Variants in RPRD1B observed in about 807,000 individuals in gnomAD.
The protein encoded by RPRD1B is regulation of nuclear pre-mRNA domain-containing protein 1B.
RPRD1B carries 11 observed loss-of-function variants against 41.5 expected under a neutral mutation model. That is an observed-to-expected ratio of 0.27 (90% confidence interval 0.17 to 0.44). RPRD1B has a LOEUF of 0.44. RPRD1B is among the 20% of genes least tolerant of loss of function. The pLI is 1.00. For missense variants in RPRD1B, 248 were observed against 389.9 expected (o/e 0.64, Z 3.06); for synonymous variants, 158 against 155.6 (o/e 1.02, Z -0.12).
At position 38,092,296 on chromosome 20, in the gene RPRD1B, G is replaced by A. The variant is rs1244439698; in HGVS notation, c.*2421G>A. On this transcript the variant is annotated 3_prime_UTR_variant, in exon 7 of 7. Transcript: ENST00000373433. ...TATTTAGAAGTATAGGCTGTCGTTG[G>A]CGGCAGCAGTATATTCTGAAATGTC... is the stretch of plus-strand genomic sequence containing the variant. The A allele has an allele frequency of 8.1e-6, 8 of 984,676 alleles. No homozygotes were observed. Among genetic ancestry groups the A allele is most frequent in the Non-Finnish European group, 9.6e-6 (8 of 829,078 alleles). The allele number at this position is 984,676 out of a possible 1,614,324, so 61.0% of individuals were successfully genotyped here.
intron 3 of RPRD1B, among the ~76,000 whole-genome samples, chr20:38,053,460 T>C (rs976532725): frequency 2.6e-5 from 4 of 152,218 alleles, no homozygotes; most frequent in South Asian, 4.1e-4. Context: ...ACTGCAGGGA[T>C]GTAGAGGAAT....
At position 38,048,429 on chromosome 20, in the gene RPRD1B, C is replaced by T. The variant is rs773734663; in HGVS notation, c.363C>T (p.Phe121=). 3 of 1,613,780 alleles carry T rather than the reference C, an allele frequency of 1.9e-6. No homozygotes were observed. The highest frequency in any genetic ancestry group is 2.5e-6 in the Non-Finnish European group (3 of 1,179,840). ...AACGAAGTGTGTATGGCGGCGAGTT[C>T]ATACAGCAGCTGAAGCTGTCTATGG... ...WQERSVYGGE[F]IQQLKLSMED... Residue 121 remains phenylalanine, a synonymous_variant, in exon 3 of 7, where the codon TTC becomes TTT. Coordinates refer to ENST00000373433, the MANE Select transcript of RPRD1B (RefSeq NM_021215.4).
At chr20:38,087,782 C>T (rs538451861) in intron 6 of RPRD1B, among the ~76,000 whole-genome samples, 2 of 152,228 alleles carry the variant, frequency 1.3e-5, no homozygotes, top group African/African-American at 4.8e-5. Flanking sequence ...ACTTCAGGAA[C>T]GTGAAAGGTG....
chr20:38,043,900 G>C (rs1198727079), intron 2 of RPRD1B, among the ~76,000 whole-genome samples: 5 of 152,198 alleles, frequency 3.3e-5, no homozygotes, highest in African/African-American at 1.2e-4. Flanking sequence ...AATATTCCAA[G>C]GAGTGATGCC....
chr20:38,049,307 G>C (rs1228910874), intron 3 of RPRD1B, among the ~76,000 whole-genome samples: 1 of 149,308 alleles, frequency 6.7e-6, no homozygotes, highest in Non-Finnish European at 1.5e-5. Context: ...ATCTGTGTGT[G>C]AATTTTGCAA....
rs1449683522 is a variant in RPRD1B at position 38,090,193 on chromosome 20, G to A, written c.*318G>A. On this transcript the variant is annotated 3_prime_UTR_variant, in exon 7 of 7. Transcript: ENST00000373433. ...ATACCTAAGAAGTTATGAAAATCAT[G>A]TGTACTTCTGGAAGCTTTCGAAAGA... The A allele has an allele frequency of 9.7e-7, 1 of 1,032,348 alleles. No homozygotes were observed. Among genetic ancestry groups the A allele is most frequent in the Non-Finnish European group, 1.2e-6 (1 of 860,348 alleles). 63.9% of individuals were successfully genotyped at this position (1,032,348 alleles called of 1,614,324 possible).
chr20:38,065,949 G>C (rs2122736632), intron 5 of RPRD1B, 132 bp from the exon 6 acceptor site: 1 of 814,526 alleles, frequency 1.2e-6, no homozygotes, highest in East Asian at 2.5e-5. Context: ...CTCATTGTTT[G>C]TCCACAGGTG....
At chr20:38,084,606 C>G (rs1271256028) in intron 6 of RPRD1B, among the ~76,000 whole-genome samples, 2 of 152,136 alleles carry the variant, frequency 1.3e-5, no homozygotes, top group Non-Finnish European at 2.9e-5. Flanking sequence ...GCTTACTTCT[C>G]TAACCAAAAA....
intron 6 of RPRD1B, among the ~76,000 whole-genome samples, chr20:38,082,720 T>C (rs1454949123): frequency 6.6e-6 from 1 of 152,108 alleles, no homozygotes; most frequent in Non-Finnish European, 1.5e-5. Flanking sequence ...GCCACAGCCA[T>C]CTCCCTCCAG....
chr20:38,076,695 A>G (rs2074463396), intron 6 of RPRD1B, among the ~76,000 whole-genome samples: 1 of 150,478 alleles, frequency 6.6e-6, no homozygotes, highest in African/African-American at 2.5e-5. Context: ...TCAAAACCCA[A>G]AAGGTACTTC....
At chr20:38,050,578 T>C (rs1015364787) in intron 3 of RPRD1B, among the ~76,000 whole-genome samples, 1 of 152,210 alleles carries the variant, frequency 6.6e-6, no homozygotes, top group African/African-American at 2.4e-5. Context: ...CAATTTAATG[T>C]ACATTTGCTG....
chr20:38,067,434 A>G (rs1236950088), intron 6 of RPRD1B, among the ~76,000 whole-genome samples: 1 of 152,238 alleles, frequency 6.6e-6, no homozygotes, highest in Admixed American at 6.5e-5. Flanking sequence ...GACAAGGGAC[A>G]GGGAGAGCCA....
At chr20:38,069,831 G>A (rs2074394179) in intron 6 of RPRD1B, among the ~76,000 whole-genome samples, 1 of 152,180 alleles carries the variant, frequency 6.6e-6, no homozygotes, top group Non-Finnish European at 1.5e-5. Flanking sequence ...TATTAAAATT[G>A]TGAGAGTTAT....
At chr20:38,075,682 C>T (rs1233951669) in intron 6 of RPRD1B, among the ~76,000 whole-genome samples, 1 of 152,182 alleles carries the variant, frequency 6.6e-6, no homozygotes, top group Non-Finnish European at 1.5e-5. Flanking sequence ...CTTTGTTTTT[C>T]TGTCTCTAAA....
At chr20:38,056,022 G>A (rs367793573) in intron 3 of RPRD1B, among the ~76,000 whole-genome samples, 5 of 152,182 alleles carry the variant, frequency 3.3e-5, no homozygotes, top group Non-Finnish European at 4.4e-5. Flanking sequence ...AATAGTATGC[G>A]CAAAGTGAGG....
chr20:38,038,850 A>G (rs2074033705), intron 1 of RPRD1B, among the ~76,000 whole-genome samples: 1 of 152,228 alleles, frequency 6.6e-6, no homozygotes, highest in African/African-American at 2.4e-5. Flanking sequence ...TGTCAGACAT[A>G]TCAATGCTTT....
chr20:38,035,570 A>C (rs918188952), intron 1 of RPRD1B, among the ~76,000 whole-genome samples: 2 of 152,126 alleles, frequency 1.3e-5, no homozygotes, highest in Non-Finnish European at 2.9e-5. Flanking sequence ...CTGTACTGAG[A>C]TAGGGATCCC....
intron 3 of RPRD1B, among the ~76,000 whole-genome samples, chr20:38,053,118 G>C (rs759645852): frequency 7.9e-5 from 12 of 152,050 alleles, no homozygotes; most frequent in Non-Finnish European, 1.3e-4. Context: ...GGTTGAGTGA[G>C]TGAAAAAGGG....
intron 6 of RPRD1B, among the ~76,000 whole-genome samples, chr20:38,072,207 G>A (rs1270582843): frequency 6.6e-6 from 1 of 152,060 alleles, no homozygotes; most frequent in South Asian, 2.1e-4. Flanking sequence ...TGTGATGTAG[G>A]GGGGGACCAA....
Sources: gnomAD v4.1 joint callset for allele counts (sites outside exome capture counted in the v4.1 genomes callset) on GRCh38, gnomAD v4.1.1 for gene constraint, MANE v1.5 for transcripts, NCBI Gene and HGNC (gene_info 2026-07-23, HGNC 2026-07-21) for gene names.